The following ASIC2 variants were observed in gnomAD, a reference collection of about 807,000 sequenced individuals.
The protein encoded by ASIC2 is acid sensing ion channel subunit 2, also known as acid-sensing ion channel 2.
Under a neutral mutation model 57.3 loss-of-function variants are expected in ASIC2, and 25 were observed. The observed-to-expected ratio is 0.44, with a 90% CI of 0.32 to 0.61. The LOEUF is 0.61. ASIC2 is among the 20% of genes least tolerant of loss of function. ASIC2 has a pLI of 0.06. For missense variants in ASIC2, 641 were observed against 738.1 expected (o/e 0.87, Z 1.52); for synonymous variants, 319 against 307.5 (o/e 1.04, Z -0.39).
chr17:33,987,978 G>C (rs1457320387), intron 1 of ASIC2, among the ~76,000 whole-genome samples: 4 of 152,176 alleles, frequency 2.6e-5, no homozygotes, highest in Non-Finnish European at 5.9e-5. Flanking sequence ...ATTTGTGAGG[G>C]AGACAGGAAG....
intron 1 of ASIC2, among the ~76,000 whole-genome samples, chr17:33,208,132 A>G (rs562055474): frequency 1.3e-5 from 2 of 152,284 alleles, no homozygotes; most frequent in African/African-American, 4.8e-5. Context: ...GGGGAGGTAA[A>G]GGGAAGGGTG....
chr17:33,538,709 C>T (rs1915314456), intron 1 of ASIC2, among the ~76,000 whole-genome samples: 2 of 152,204 alleles, frequency 1.3e-5, no homozygotes, highest in Admixed American at 6.5e-5. Context: ...AACAGTTGTT[C>T]AACCAATGCC....
At chr17:33,047,421 C>T (rs910237494) in intron 3 of ASIC2, among the ~76,000 whole-genome samples, 46 of 152,124 alleles carry the variant, frequency 3.0e-4, no homozygotes, top group Admixed American at 9.8e-4. Flanking sequence ...TCACTGTACC[C>T]TCTGTCTCCT....
At chr17:33,898,345 C>G (rs1915155564) in intron 1 of ASIC2, among the ~76,000 whole-genome samples, 1 of 144,750 alleles carries the variant, frequency 6.9e-6, no homozygotes, top group Non-Finnish European at 1.5e-5. Flanking sequence ...AAGCTATTCT[C>G]CTGCCTCAAC....
intron 1 of ASIC2, among the ~76,000 whole-genome samples, chr17:33,420,676 C>A (rs948926276): frequency 1.3e-5 from 2 of 152,152 alleles, no homozygotes; most frequent in Non-Finnish European, 2.9e-5. Flanking sequence ...AGCCAGTCCA[C>A]CCCCCTCCAA....
At chr17:33,148,984 C>T (rs1904675434) in intron 1 of ASIC2, among the ~76,000 whole-genome samples, 1 of 152,084 alleles carries the variant, frequency 6.6e-6, no homozygotes, top group South Asian at 2.1e-4. Flanking sequence ...GTCCCAGTTA[C>T]TCAGGAGACT....
rs146238392 is a variant in ASIC2, at chr17:34,056,219, G to A, written c.555+99759C>T. On this transcript the variant is annotated intron_variant, in intron 1 of 9. Coordinates refer to the ASIC2 transcript ENST00000359872. ...GAACAATAATTTAGGCAACATCCAAGGATTTCCATTTGCAATGGCTGAGGC... is the reference window on the plus strand; with the variant it reads ...GAACAATAATTTAGGCAACATCCAAAGATTTCCATTTGCAATGGCTGAGGC... Among the ~76,000 whole-genome samples, 474 of 152,284 alleles carry A rather than the reference G, an allele frequency of 3.1e-3. 3 individuals are homozygous for A. Among genetic ancestry groups the A allele is most frequent in the African/African-American group, 0.011 (451 of 41,556 alleles).
intron 1 of ASIC2, among the ~76,000 whole-genome samples, chr17:33,609,011 G>A (rs1308949808): frequency 6.6e-6 from 1 of 152,156 alleles, no homozygotes; most frequent in Non-Finnish European, 1.5e-5. Flanking sequence ...GGCAGTGGGT[G>A]TGAAGGAGGT....
chr17:33,819,429 C>T (rs1047016547), intron 1 of ASIC2, among the ~76,000 whole-genome samples: 20 of 152,328 alleles, frequency 1.3e-4, no homozygotes, highest in African/African-American at 4.1e-4. Context: ...AGCTAGGAAA[C>T]TGTGACAAAG....
At chr17:33,903,355 G>C (rs1915271261) in intron 1 of ASIC2, among the ~76,000 whole-genome samples, 1 of 152,114 alleles carries the variant, frequency 6.6e-6, no homozygotes, top group African/African-American at 2.4e-5. Flanking sequence ...CAAGCCTGTA[G>C]AAATAAATCC....
intron 1 of ASIC2, among the ~76,000 whole-genome samples, chr17:33,739,984 A>C (rs1291653249): frequency 6.6e-6 from 1 of 150,834 alleles, no homozygotes; most frequent in African/African-American, 2.5e-5. Context: ...AGAAAGAAAG[A>C]AAAAAGAAAG....
chr17:33,352,837 C>T (rs1271993364), intron 1 of ASIC2, among the ~76,000 whole-genome samples: 1 of 152,150 alleles, frequency 6.6e-6, no homozygotes, highest in Non-Finnish European at 1.5e-5. Flanking sequence ...TTCTCTCCCT[C>T]TTTCCCTTCC....
intron 1 of ASIC2, among the ~76,000 whole-genome samples, chr17:33,410,544 G>T (rs1910621439): frequency 6.6e-6 from 1 of 152,190 alleles, no homozygotes; most frequent in Non-Finnish European, 1.5e-5. Context: ...GCTGCCCTCA[G>T]CCCCATGCCT....
intron 1 of ASIC2, among the ~76,000 whole-genome samples, chr17:33,880,699 T>C (rs896011142): frequency 3.3e-5 from 5 of 152,178 alleles, no homozygotes; most frequent in African/African-American, 1.2e-4. Flanking sequence ...CTGGTACCAT[T>C]CCTTCTGAAA....
chr17:33,272,301 C>T (rs1263284272), intron 1 of ASIC2, among the ~76,000 whole-genome samples: 1 of 152,134 alleles, frequency 6.6e-6, no homozygotes, highest in African/African-American at 2.4e-5. Flanking sequence ...CCATTCCATC[C>T]CATTGTCTTC....
At chr17:33,491,871 A>G (rs1246888563) in intron 1 of ASIC2, among the ~76,000 whole-genome samples, 1 of 151,282 alleles carries the variant, frequency 6.6e-6, no homozygotes, top group Non-Finnish European at 1.5e-5. Context: ...TTCATTAGAC[A>G]TGTCTCTCTT....
chr17:33,065,724 C>T (rs962980809), intron 3 of ASIC2, among the ~76,000 whole-genome samples: 4 of 152,172 alleles, frequency 2.6e-5, no homozygotes, highest in African/African-American at 9.7e-5. Flanking sequence ...GTGTCATTAA[C>T]ATTAGCCTCA....
chr17:33,570,094 T>C (rs74578108), intron 1 of ASIC2, among the ~76,000 whole-genome samples: 1,898 of 152,320 alleles, frequency 0.012, 13 homozygotes, highest in Non-Finnish European at 0.019. Context: ...CTGTCCCCTT[T>C]GCTCTTGCAC....
intron 1 of ASIC2, among the ~76,000 whole-genome samples, chr17:33,448,797 G>A (rs1416298776): frequency 6.6e-6 from 1 of 152,170 alleles, no homozygotes; most frequent in Non-Finnish European, 1.5e-5. Context: ...ATAAGAGTAG[G>A]GGCCATCCGT....
Sources: allele counts gnomAD v4.1 joint callset (sites outside exome capture counted in the v4.1 genomes callset), GRCh38; gene constraint gnomAD v4.1.1; transcripts MANE v1.5; gene names NCBI Gene and HGNC (gene_info 2026-07-23, HGNC 2026-07-21).